SUMF1: variants seen among roughly 807,000 people sequenced by gnomAD.
SUMF1 encodes the protein formylglycine-generating enzyme.
In SUMF1, 48 loss-of-function variants were observed where a neutral mutation model predicts 47.6. The ratio of observed to expected loss-of-function variants is 1.01; its 90% confidence interval spans 0.80 to 1.28. SUMF1 has a LOEUF of 1.28. SUMF1 is among the 50% of genes most tolerant of loss of function. SUMF1 has a pLI of 0.00. For missense variants in SUMF1, 571 were observed against 485.4 expected (o/e 1.18, Z -1.66); for synonymous variants, 230 against 192.1 (o/e 1.20, Z -1.63).
chr3:4,068,047 C>T (rs764793), intron 9 of SUMF1, among the ~76,000 whole-genome samples: 36,357 of 152,084 alleles, frequency 0.24, 5,023 homozygotes, highest in Middle Eastern at 0.3. Flanking sequence ...TGTGTTCTTC[C>T]CTAGGCCATT....
At chr3:4,131,359 G>A (rs1413249941) in intron 8 of SUMF1, among the ~76,000 whole-genome samples, 2 of 152,124 alleles carry the variant, frequency 1.3e-5, no homozygotes, top group Non-Finnish European at 2.9e-5. Flanking sequence ...ATGGCCTCAT[G>A]GGGAGTTCCC....
At chr3:4,160,856 T>C (rs570859153) in intron 8 of SUMF1, among the ~76,000 whole-genome samples, 7 of 152,224 alleles carry the variant, frequency 4.6e-5, no homozygotes, top group African/African-American at 1.7e-4. Flanking sequence ...TGAGGTCATG[T>C]TTTCCTACAT....
intron 8 of SUMF1, among the ~76,000 whole-genome samples, chr3:4,256,002 C>A (rs1696943723): frequency 6.7e-6 from 1 of 149,732 alleles, no homozygotes; most frequent in Non-Finnish European, 1.5e-5. Flanking sequence ...GAACAACCTG[C>A]TCCTGAATGA....
At chr3:4,271,052 G>A (rs949923640) in intron 8 of SUMF1, among the ~76,000 whole-genome samples, 1 of 152,146 alleles carries the variant, frequency 6.6e-6, no homozygotes, top group Non-Finnish European at 1.5e-5. Context: ...TAACTGAAAC[G>A]CAAAGGATAA....
At chr3:4,116,065 ATATGAT>A (rs2125073983) in intron 8 of SUMF1, among the ~76,000 whole-genome samples, 1 of 152,264 alleles carries the variant, frequency 6.6e-6, no homozygotes, top group East Asian at 1.9e-4. Flanking sequence ...CAAACCCATT[ATATGAT>A]TATGTCACTT....
At chr3:4,044,897 T>C (rs1694978324) in intron 9 of SUMF1, among the ~76,000 whole-genome samples, 1 of 152,226 alleles carries the variant, frequency 6.6e-6, no homozygotes, top group Non-Finnish European at 1.5e-5. Flanking sequence ...CTAAGAATAT[T>C]ATATGAAATT....
At chr3:4,426,338 C>G (rs1366501805) in intron 3 of SUMF1, among the ~76,000 whole-genome samples, 1 of 152,132 alleles carries the variant, frequency 6.6e-6, no homozygotes, top group African/African-American at 2.4e-5. Context: ...CAAAGTCACC[C>G]CACAACTGAG....
intron 8 of SUMF1, among the ~76,000 whole-genome samples, chr3:4,071,655 G>C (rs941067120): frequency 6.6e-6 from 1 of 152,206 alleles, no homozygotes; most frequent in Non-Finnish European, 1.5e-5. Context: ...TTGAGTAGGC[G>C]TTTTTATGCT....
intron 8 of SUMF1, among the ~76,000 whole-genome samples, chr3:4,327,397 A>AGTT (rs911297616): frequency 6.6e-6 from 1 of 152,058 alleles, no homozygotes; most frequent in Non-Finnish European, 1.5e-5. Flanking sequence ...AAAAAAAGCA[A>AGTT]GTTGTTGTTG....
At chr3:4,133,838 T>C (rs8179894) in intron 8 of SUMF1, among the ~76,000 whole-genome samples, 65,761 of 151,732 alleles carry the variant, frequency 0.43, 14,446 homozygotes, top group Admixed American at 0.46. Context: ...GTTCTGTCCC[T>C]CTAGAGAACT....
intron 4 of SUMF1, among the ~76,000 whole-genome samples, chr3:4,418,921 T>G (rs1701805667): frequency 6.6e-6 from 1 of 152,232 alleles, no homozygotes; most frequent in Non-Finnish European, 1.5e-5. Flanking sequence ...GCTCACTTTT[T>G]TAAAAGTGGG....
rs577058658 is a variant in SUMF1, at chr3:4,368,057, A to G, written c.1015-5803T>C. The stretch of plus-strand genomic sequence containing the variant: ...CATCAGAGTGAACAGGCAACCTACA[A>G]AATGGGAGAAAATTTTCGCAACCTA... On this transcript the variant is annotated intron_variant, in intron 8 of 8. Coordinates refer to ENST00000272902, the MANE Select transcript of SUMF1 (RefSeq NM_182760.4). 4.1e-4 allele frequency among the ~76,000 whole-genome samples: 62 copies of G among 152,174 alleles called. No homozygotes were observed. The South Asian group carries it at 0.012, about 30-fold the overall frequency.
At chr3:4,186,360 G>A (rs1199209774) in intron 8 of SUMF1, among the ~76,000 whole-genome samples, 2 of 152,140 alleles carry the variant, frequency 1.3e-5, no homozygotes, top group East Asian at 3.8e-4. Flanking sequence ...ATGGTAATGG[G>A]GGGAGGTGAG....
intron 9 of SUMF1, among the ~76,000 whole-genome samples, chr3:4,055,367 G>A (rs536513852): frequency 1.3e-5 from 2 of 151,996 alleles, no homozygotes; most frequent in African/African-American, 4.8e-5. Flanking sequence ...CTTTATAATA[G>A]CTCTATTTAT....
At position 4,132,100 on chromosome 3, in the gene SUMF1, A is replaced by C. The variant is rs375666750; in HGVS notation, c.1015-63355T>G. The stretch of plus-strand genomic sequence containing the variant: ...TATATTGGACCTCTTCCATCATGGA[A>C]AGGGCAGAGGTTTGTCCCCACCAGA... On this transcript the variant is annotated intron_variant and NMD_transcript_variant, in intron 8 of 12. Transcript: ENST00000448413. Among the ~76,000 whole-genome samples, 30 of 152,260 alleles carry C rather than the reference A, an allele frequency of 2.0e-4. No individual in the cohort carries two copies. The East Asian group carries it at 5.0e-3, about 25-fold the overall frequency.
chr3:4,302,795 G>C (rs1698002413), intron 8 of SUMF1, among the ~76,000 whole-genome samples: 1 of 152,156 alleles, frequency 6.6e-6, no homozygotes, highest in African/African-American at 2.4e-5. Context: ...GAATCCTTTG[G>C]CAGGGCAGGG....
intron 8 of SUMF1, among the ~76,000 whole-genome samples, chr3:4,312,146 T>C (rs2125094879): frequency 6.6e-6 from 1 of 152,360 alleles, no homozygotes; most frequent in African/African-American, 2.4e-5. Context: ...ATTTAAGAAA[T>C]AGCATTTTTG....
At chr3:4,036,072 A>G (rs1222574287) in intron 9 of SUMF1, among the ~76,000 whole-genome samples, 2 of 152,162 alleles carry the variant, frequency 1.3e-5, no homozygotes, top group Non-Finnish European at 2.9e-5. Flanking sequence ...GATTGCTATT[A>G]GTGTTTAAAA....
chr3:4,169,290 G>C (rs1694779013), intron 8 of SUMF1, among the ~76,000 whole-genome samples: 1 of 152,098 alleles, frequency 6.6e-6, no homozygotes. Flanking sequence ...CTATGAATCT[G>C]ACTTTACAGA....
Sources: allele counts gnomAD v4.1 joint callset (sites outside exome capture counted in the v4.1 genomes callset), GRCh38; gene constraint gnomAD v4.1.1; transcripts MANE v1.5; gene names NCBI Gene and HGNC (gene_info 2026-07-23, HGNC 2026-07-21).